The following ZFPM2 variants were observed in gnomAD, a reference collection of about 807,000 sequenced individuals.
ZFPM2 encodes the protein zinc finger protein ZFPM2.
Under a neutral mutation model 98.6 loss-of-function variants are expected in ZFPM2, and 20 were observed. That is an observed-to-expected ratio of 0.20 (90% CI 0.14 to 0.29). ZFPM2 has a LOEUF of 0.29. Among genes scored for constraint, ZFPM2 ranks in the 10% least tolerant of loss-of-function variants. The pLI is 1.00. For synonymous variants in ZFPM2, 518 were observed against 502.7 expected (o/e 1.03, Z -0.41); for missense variants, 1,310 against 1,388.6 (o/e 0.94, Z 0.90).
chr8:105,541,683 T>C lies in ZFPM2; in HGVS notation c.302-19680T>C, dbSNP rs145512901. Reference sequence around the variant, plus strand: ...AGTATCTTTCACCAGGGAGCAGTAATATCTGTGTTGCCATTTTAGGAAATG... The same window carrying C: ...AGTATCTTTCACCAGGGAGCAGTAACATCTGTGTTGCCATTTTAGGAAATG... On this transcript the variant is annotated intron_variant, in intron 3 of 7. Transcript: ENST00000407775. Among the ~76,000 whole-genome samples, 19 of 152,342 alleles carry C rather than the reference T, an allele frequency of 1.2e-4. No homozygotes were observed. The East Asian group carries it at 3.7e-3, about 29-fold the overall frequency.
chr8:105,420,388 A>G (rs1411863237), intron 2 of ZFPM2, among the ~76,000 whole-genome samples: 2 of 152,114 alleles, frequency 1.3e-5, no homozygotes, highest in African/African-American at 2.4e-5. Context: ...GGTGTCAACA[A>G]AAAAAGTCAG....
chr8:105,387,564 CGGCT>C (rs1811023163), intron 1 of ZFPM2: 1 of 153,082 alleles, frequency 6.5e-6, no homozygotes, highest in South Asian at 2.1e-4. Flanking sequence ...CGGGCGGGGC[CGGCT>C]GGCTGGCCGC....
intron 4 of ZFPM2, among the ~76,000 whole-genome samples, chr8:105,600,880 A>G (rs1486180194): frequency 6.6e-6 from 1 of 152,130 alleles, no homozygotes; most frequent in Non-Finnish European, 1.5e-5. Flanking sequence ...GTTTTCCTTC[A>G]TATTTTCTGA....
intron 6 of ZFPM2, among the ~76,000 whole-genome samples, chr8:105,791,936 A>G (rs1435485993): frequency 6.6e-6 from 1 of 152,092 alleles, no homozygotes; most frequent in East Asian, 1.9e-4. Flanking sequence ...CGCTGGTGAT[A>G]TCCCCTTTAT....
intron 3 of ZFPM2, among the ~76,000 whole-genome samples, chr8:105,513,955 T>C (rs1813865498): frequency 6.6e-6 from 1 of 152,032 alleles, no homozygotes. Context: ...AAAACGTGGA[T>C]TTTTGGATTA....
intron 1 of ZFPM2, among the ~76,000 whole-genome samples, chr8:105,385,036 C>T (rs1341227908): frequency 6.6e-6 from 1 of 152,148 alleles, no homozygotes; most frequent in Admixed American, 6.5e-5. Context: ...CTAGAGAGGT[C>T]TTGCCCGATG....
chr8:105,426,748 C>T (rs1285249295), intron 2 of ZFPM2, among the ~76,000 whole-genome samples: 2 of 151,656 alleles, frequency 1.3e-5, no homozygotes, highest in African/African-American at 2.4e-5. Context: ...GAGTTTGAGA[C>T]CAGCCTGGTC....
chr8:105,432,179 A>G (rs750880648), intron 2 of ZFPM2, among the ~76,000 whole-genome samples: 2 of 152,144 alleles, frequency 1.3e-5, no homozygotes, highest in Non-Finnish European at 2.9e-5. Context: ...GAAAGCTGAA[A>G]TATGAAATTG....
intron 3 of ZFPM2, among the ~76,000 whole-genome samples, chr8:105,502,598 T>C (rs1813617505): frequency 6.6e-6 from 1 of 152,222 alleles, no homozygotes; most frequent in African/African-American, 2.4e-5. Context: ...TTTGCAATCA[T>C]CTAGAAAAGC....
intron 1 of ZFPM2, among the ~76,000 whole-genome samples, chr8:105,378,245 A>C (rs1372570026): frequency 6.6e-6 from 1 of 152,170 alleles, no homozygotes; most frequent in African/African-American, 2.4e-5. Flanking sequence ...CTGGGGGTGA[A>C]CTAAGAATTA....
chr8:105,761,580 C>G (rs1812735332), intron 5 of ZFPM2, among the ~76,000 whole-genome samples: 1 of 151,810 alleles, frequency 6.6e-6, no homozygotes, highest in Admixed American at 6.6e-5. Flanking sequence ...TCATGATGCC[C>G]CAAGAATATC....
At chr8:105,500,117 T>C (rs1401058041) in intron 3 of ZFPM2, among the ~76,000 whole-genome samples, 1 of 152,198 alleles carries the variant, frequency 6.6e-6, no homozygotes, top group Non-Finnish European at 1.5e-5. Context: ...TTCTGTACAT[T>C]AGTGGCTAAA....
chr8:105,468,979 T>C (rs1364257234), intron 3 of ZFPM2, among the ~76,000 whole-genome samples: 2 of 151,340 alleles, frequency 1.3e-5, no homozygotes, highest in Non-Finnish European at 2.9e-5. Flanking sequence ...TTTTTTTTTA[T>C]GTGAGTGATT....
intron 3 of ZFPM2, among the ~76,000 whole-genome samples, chr8:105,550,618 A>G (rs1047382947): frequency 3.3e-5 from 5 of 152,174 alleles, no homozygotes; most frequent in African/African-American, 1.2e-4. Flanking sequence ...CACTCTTATA[A>G]GGAAGAAAGT....
chr8:105,753,340 G>A (rs1812520100), intron 5 of ZFPM2, among the ~76,000 whole-genome samples: 1 of 152,050 alleles, frequency 6.6e-6, no homozygotes, highest in Non-Finnish European at 1.5e-5. Context: ...TATACACAAA[G>A]CCCACCTATG....
rs142393655 is a variant in ZFPM2, at chr8:105,415,914, A to G, written c.41-3230A>G. ...AATGACCTTCCTATGGCCTGTTTTA[A>G]ATATTGGCAATGAGATCTCATGTTC... On this transcript the variant is annotated intron_variant, in intron 1 of 7. Coordinates refer to ENST00000407775, the MANE Select transcript of ZFPM2 (RefSeq NM_012082.4). 5.2e-3 allele frequency among the ~76,000 whole-genome samples: 785 copies of G among 152,180 alleles called. 9 individuals carry two copies. Among genetic ancestry groups the G allele is most frequent in the African/African-American group, 0.018 (730 of 41,530 alleles).
chr8:105,655,478 A>G (rs1817265790), intron 5 of ZFPM2, among the ~76,000 whole-genome samples: 1 of 151,992 alleles, frequency 6.6e-6, no homozygotes, highest in East Asian at 1.9e-4. Flanking sequence ...TAATTCGCCC[A>G]CTTCAGCCTC....
At chr8:105,707,976 C>T (rs1811300836) in intron 5 of ZFPM2, among the ~76,000 whole-genome samples, 1 of 152,130 alleles carries the variant, frequency 6.6e-6, no homozygotes, top group Non-Finnish European at 1.5e-5. Context: ...ATTTTTAACT[C>T]TTTAGTCCAC....
intron 1 of ZFPM2, among the ~76,000 whole-genome samples, chr8:105,337,779 A>G (rs1812356173): frequency 6.6e-6 from 1 of 151,522 alleles, no homozygotes; most frequent in Non-Finnish European, 1.5e-5. Flanking sequence ...GTGAAATGAA[A>G]AATAATCAGA....
Sources: gnomAD v4.1 joint callset for allele counts (sites outside exome capture counted in the v4.1 genomes callset) on GRCh38, gnomAD v4.1.1 for gene constraint, MANE v1.5 for transcripts, NCBI Gene and HGNC (gene_info 2026-07-23, HGNC 2026-07-21) for gene names.